The following ARHGEF1 variants were observed in gnomAD, a reference collection of about 807,000 sequenced individuals.
The protein encoded by ARHGEF1 is Rho guanine nucleotide exchange factor 1, also known as 115 kDa guanine nucleotide exchange factor.
A neutral mutation model predicts 119.7 loss-of-function variants in ARHGEF1; 40 were observed. The observed-to-expected ratio is 0.33, with a 90% confidence interval of 0.26 to 0.44. ARHGEF1 has a LOEUF of 0.44. Ranked by LOEUF, ARHGEF1 falls within the 20% of genes least tolerant of loss-of-function variation. ARHGEF1 has a pLI of 1.00. For synonymous variants in ARHGEF1, 494 were observed against 521.0 expected (o/e 0.95, Z 0.71); for missense variants, 976 against 1,268.3 (o/e 0.77, Z 3.50).
chr19:41,891,394 C>T (rs2074374178), intron 4 of ARHGEF1, among the ~76,000 whole-genome samples: 1 of 152,202 alleles, frequency 6.6e-6, no homozygotes, highest in Non-Finnish European at 1.5e-5. Flanking sequence ...GCAGTTCTCC[C>T]TGCCTCAGCC....
chr19:41,915,366 C>G (rs557636436), intron 18 of ARHGEF1, among the ~76,000 whole-genome samples: 250 of 151,710 alleles, frequency 1.6e-3, no homozygotes, highest in Non-Finnish European at 2.5e-3. Flanking sequence ...CTGGACCCCT[C>G]GCCCTTGCCC....
In ARHGEF1 at chr19:41,907,148, A is replaced by G; in HGVS notation, c.*61A>G. ...AGGAATGGGGGAGAGGACGTGAGGG[A>G]CCACCCCCACCCACACAGCTGCCGC... On this transcript the variant is annotated 3_prime_UTR_variant, in exon 29 of 29. Coordinates refer to ENST00000354532, the MANE Select transcript of ARHGEF1 (RefSeq NM_004706.4). 1 of 1,530,836 alleles carries G rather than the reference A, an allele frequency of 6.5e-7. No individual in the cohort carries two copies. Among genetic ancestry groups the G allele is most frequent in the Non-Finnish European group, 8.7e-7 (1 of 1,144,628 alleles). 94.8% of individuals were successfully genotyped at this position (1,530,836 alleles called of 1,614,324 possible). A position where few individuals can be genotyped will look rare whatever the true frequency, so the allele number is the denominator to read the frequency against.
chr19:41,912,898 C>G, intron 18 of ARHGEF1: 1 of 1,231,568 alleles, frequency 8.1e-7, no homozygotes, highest in African/African-American at 1.6e-5. Flanking sequence ...AAGAGAAGGT[C>G]GGAGACGCAG....
intron 12 of ARHGEF1, 48 bp from the exon 13 acceptor site, chr19:41,896,320 TGTGGGTCTC>T: frequency 1.1e-6 from 1 of 928,362 alleles, no homozygotes; most frequent in Non-Finnish European, 1.5e-6. Context: ...GCCCCCAGAG[TGTGGGTCTC>T]GTGGCCGCAG....
intron 14 of ARHGEF1, among the ~76,000 whole-genome samples, chr19:41,899,770 G>A (rs2074569923): frequency 6.6e-6 from 1 of 152,098 alleles, no homozygotes; most frequent in Admixed American, 6.5e-5. Flanking sequence ...GATTACAGGC[G>A]TGAGCCACTG....
Position 41,888,375 on chromosome 19 carries a change from C to T in ARHGEF1, c.111+97C>T, listed in dbSNP as rs1178815942. Reference sequence around the variant, plus strand: ...AGATGCTGTCTTCTTGGCCTTTTCCCACGGTCTGTCTCATCCTCTCATCTC... The same window carrying T: ...AGATGCTGTCTTCTTGGCCTTTTCCTACGGTCTGTCTCATCCTCTCATCTC... On this transcript the variant is annotated intron_variant, in intron 3 of 28. Transcript: ENST00000354532. The surrounding 1 kb of genome is among the most constrained non-coding windows in gnomAD (Gnocchi z 5.1). 8.0e-7 allele frequency: 1 copy of T among 1,249,344 alleles called. No individual in the cohort carries two copies. Among genetic ancestry groups the T allele is most frequent in the East Asian group, 2.4e-5 (1 of 42,434 alleles). The allele number at this position is 1,249,344 out of a possible 1,614,324, so 77.4% of individuals were successfully genotyped here. A position where few individuals can be genotyped will look rare whatever the true frequency, so the allele number is the denominator to read the frequency against.
chr19:41,920,783 G>A (rs573461809), upstream of ARHGEF1, among the ~76,000 whole-genome samples: 11 of 152,352 alleles, frequency 7.2e-5, no homozygotes, highest in East Asian at 2.1e-3. Context: ...ATGGCAGACA[G>A]GGCAGTGGAT....
intron 14 of ARHGEF1, 43 bp from the exon 15 acceptor site, chr19:41,901,844 C>A: frequency 6.3e-7 from 1 of 1,595,156 alleles, no homozygotes; most frequent in Admixed American, 1.7e-5. Context: ...GCCCCCTAGT[C>A]TGCACCCTCC....
At chr19:41,887,818 C>G (rs558659424) in intron 1 of ARHGEF1, among the ~76,000 whole-genome samples, 17 of 152,336 alleles carry the variant, frequency 1.1e-4, no homozygotes, top group African/African-American at 3.6e-4. Context: ...CAGACTCAGC[C>G]TTCCCATGGA....
intron 1 of ARHGEF1, among the ~76,000 whole-genome samples, chr19:41,886,146 A>T (rs886258971): frequency 6.6e-6 from 1 of 152,132 alleles, no homozygotes; most frequent in Non-Finnish European, 1.5e-5. Flanking sequence ...CTTCTTTGTT[A>T]AATGGAGGTG....
chr19:41,912,854 G>C, intron 18 of ARHGEF1: 1 of 1,220,326 alleles, frequency 8.2e-7, no homozygotes, highest in Middle Eastern at 3.1e-4. Context: ...GCCAGTTACC[G>C]GGGGTCCAGA....
intron 13 of ARHGEF1, 101 bp from the exon 14 acceptor site, chr19:41,898,341 C>T (rs541942049): frequency 7.2e-6 from 11 of 1,521,500 alleles, no homozygotes; most frequent in Middle Eastern, 1.7e-4. Flanking sequence ...CTGCGGGCAT[C>T]GAATGCCAAG....
At chr19:41,909,397 A>G, downstream of ARHGEF1, 1 of 1,237,494 alleles carries the variant, frequency 8.1e-7, no homozygotes, top group Non-Finnish European at 1.0e-6. This position sits in a 1 kb window ranked among gnomAD's most constrained non-coding sequence, Gnocchi z 5.2. Flanking sequence ...GACAAGCACG[A>G]CTTTGCTGAA....
rs1555849221 is a variant in ARHGEF1, at chr19:41,902,441, T to G, written c.1497+85T>G. 1 of 1,611,056 alleles carries G rather than the reference T, an allele frequency of 6.2e-7. No individual in the cohort carries two copies. The highest frequency in any genetic ancestry group is 8.5e-7 in the Non-Finnish European group (1 of 1,178,600). Reference sequence around the variant, plus strand: ...GGGTCCTGAGCCCACCCTACTCCAGTCCCAGGGTCTGGGCTTCCAGCCTGT... The same window carrying G: ...GGGTCCTGAGCCCACCCTACTCCAGGCCCAGGGTCTGGGCTTCCAGCCTGT... On this transcript the variant is annotated intron_variant, in intron 16 of 28. Transcript: ENST00000354532. The surrounding 1 kb of genome is among the most constrained non-coding windows in gnomAD (Gnocchi z 6.5).
rs752679992 is a variant in ARHGEF1 at position 41,902,796 on chromosome 19, C to T, written c.1636C>T (p.Arg546Cys). Reference sequence around the variant, plus strand: ...ATGTTTCCCGCAGGAAGCTGAGAGCCGCCCGCGGTGCCGCCGCCTGCAGCT... The same window carrying T: ...ATGTTTCCCGCAGGAAGCTGAGAGCTGCCCGCGGTGCCGCCGCCTGCAGCT... ...FCAFVQEAES[R>C]PRCRRLQLKD... The change falls in exon 18 of 29, where the codon CGC becomes TGC. Residue 546 changes from arginine (R) to cysteine (C), a missense_variant. Physicochemically the swap from Arg to Cys is radical, Grantham distance 180. Around this residue, in one of 3 missense-constraint regions of ARHGEF1, gnomAD observed 286 missense variants for 506.8 expected, o/e 0.56. Coordinates refer to ENST00000354532, the MANE Select transcript of ARHGEF1 (RefSeq NM_004706.4). This position sits in a 1 kb window ranked among gnomAD's most constrained non-coding sequence, Gnocchi z 6.5. 5.6e-6 allele frequency: 9 copies of T among 1,612,854 alleles called. No homozygotes were observed. In the East Asian group the frequency reaches 6.7e-5, roughly 12 times the overall value.
chr19:41,898,136 C>T, intron 13 of ARHGEF1: 1 of 1,402,080 alleles, frequency 7.1e-7, no homozygotes, highest in Non-Finnish European at 9.2e-7. Flanking sequence ...TCTCCCTTCC[C>T]CCATCCACTA....
At position 41,889,002 on chromosome 19, in the gene ARHGEF1, A is replaced by G; in HGVS notation, c.225+137A>G. ...AACACAGAGAGCCAGATCTAGAAAG[A>G]GAGAATGCTTTAGACAAGAGCCAGA... is the stretch of plus-strand genomic sequence containing the variant. On this transcript the variant is annotated intron_variant, in intron 4 of 28. Transcript: ENST00000354532. This position sits in a 1 kb window ranked among gnomAD's most constrained non-coding sequence, Gnocchi z 4.0. 1 of 726,446 alleles carries G rather than the reference A, an allele frequency of 1.4e-6. No individual in the cohort carries two copies. The highest frequency in any genetic ancestry group is 1.9e-5 in the South Asian group (1 of 53,726). 45.0% of individuals were successfully genotyped at this position (726,446 alleles called of 1,614,324 possible). A position where few individuals can be genotyped will look rare whatever the true frequency, so the allele number is the denominator to read the frequency against.
upstream of ARHGEF1, among the ~76,000 whole-genome samples, chr19:41,920,408 T>A (rs1447660556): frequency 8.0e-6 from 1 of 124,702 alleles, no homozygotes; most frequent in Non-Finnish European, 1.6e-5. Context: ...TGTGACACAC[T>A]CACAGACATG....
chr19:41,903,967 T>C lies in ARHGEF1; in HGVS notation c.1918-68T>C, dbSNP rs2074647991. ...GTCATCCCCGGCCACTGCCCTGCCC[T>C]TCCCCTCCCCACCAACCCCAATCAC... On this transcript the variant is annotated intron_variant, in intron 20 of 28. Transcript: ENST00000354532. This position sits in a 1 kb window ranked among gnomAD's most constrained non-coding sequence, Gnocchi z 4.2. 6.8e-7 allele frequency: 1 copy of C among 1,471,176 alleles called. No individual in the cohort carries two copies. The highest frequency in any genetic ancestry group is 9.5e-7 in the Non-Finnish European group (1 of 1,054,506). 91.1% of individuals were successfully genotyped at this position (1,471,176 alleles called of 1,614,324 possible). A position where few individuals can be genotyped will look rare whatever the true frequency, so the allele number is the denominator to read the frequency against.
Sources: gnomAD v4.1 joint callset for allele counts (sites outside exome capture counted in the v4.1 genomes callset) on GRCh38, gnomAD v4.1.1 for gene constraint, gnomAD v4.1.1 regional missense constraint, Gnocchi (gnomAD v3.1) non-coding constraint, MANE v1.5 for transcripts, NCBI Gene and HGNC (gene_info 2026-07-23, HGNC 2026-07-21) for gene names.